C12orf43: variants seen among roughly 807,000 people sequenced by gnomAD.
C12orf43 encodes protein CUSTOS.
C12orf43 carries 15 observed loss-of-function variants against 20.6 expected under a neutral mutation model. That is an observed-to-expected ratio of 0.73 (90% CI 0.49 to 1.12). C12orf43 has a LOEUF of 1.12. C12orf43 is among the 50% of genes most tolerant of loss of function. The probability of loss-of-function intolerance (pLI) is 0.00; values close to 1 mark genes in which losing one functional copy is unlikely to be tolerated. For missense variants in C12orf43, 334 were observed against 344.4 expected (o/e 0.97, Z 0.24); for synonymous variants, 144 against 130.8 (o/e 1.10, Z -0.69).
At chr12:121,008,860 T>C (rs1173758206) in intron 3 of C12orf43, among the ~76,000 whole-genome samples, 3 of 152,186 alleles carry the variant, frequency 2.0e-5, no homozygotes, top group Non-Finnish European at 4.4e-5. Context: ...GACCAGTGTA[T>C]CCCCAGACCT....
At chr12:121,016,176 G>A in intron 1 of C12orf43, 154 bp downstream of exon 1, 1 of 1,142,882 alleles carries the variant, frequency 8.7e-7, no homozygotes, top group Non-Finnish European at 1.3e-6. Context: ...TACTGCACCT[G>A]CCCATGCTTT....
Position 121,004,500 on chromosome 12 carries a change from G to A in C12orf43, c.453-11C>T, listed in dbSNP as rs758709637. The A allele has an allele frequency of 5.7e-6, 9 of 1,582,222 alleles. No individual in the cohort carries two copies. The highest frequency in any genetic ancestry group is 2.7e-5 in the African/African-American group (2 of 74,172). On this transcript the variant is annotated splice_polypyrimidine_tract_variant and intron_variant, in intron 5 of 5. Transcript: ENST00000288757. The surrounding 1 kb of genome is among the most constrained non-coding windows in gnomAD (Gnocchi z 5.6). ...TCGTCACTGTCCTCACTGCTGCAAC[G>A]AGAGGGTACCCTGGGTTAGCTGGAG...
At chr12:121,006,238 ATATACC>A in intron 4 of C12orf43, 77 bp downstream of exon 4, 1 of 1,224,432 alleles carries the variant, frequency 8.2e-7, no homozygotes, top group South Asian at 1.3e-5. Context: ...AAAAAAAAGA[ATATACC>A]AAAACTGTTT....
At position 121,000,845 on chromosome 12, in the gene C12orf43, A is replaced by G. The variant is rs970189181; in HGVS notation, c.*3308T>C. 26 of 601,658 alleles carry G rather than the reference A, an allele frequency of 4.3e-5. No homozygotes were observed. In the Admixed American group the frequency reaches 5.3e-4, roughly 12 times the overall value. The allele number at this position is 601,658 out of a possible 1,614,324, so 37.3% of individuals were successfully genotyped here. A position where few individuals can be genotyped will look rare whatever the true frequency, so the allele number is the denominator to read the frequency against. ...TCACCGGGGCTTCTCCAGTGTTCACACTAAGATGTACTCAGGCCACTCCAT... is the reference window on the plus strand; with the variant it reads ...TCACCGGGGCTTCTCCAGTGTTCACGCTAAGATGTACTCAGGCCACTCCAT... On this transcript the variant is annotated 3_prime_UTR_variant, in exon 6 of 6. Coordinates refer to ENST00000288757, the MANE Select transcript of C12orf43 (RefSeq NM_022895.3).
chr12:121,001,406 G>A lies in C12orf43; in HGVS notation c.*2747C>T, dbSNP rs191295371. The A allele has an allele frequency of 3.9e-3, 2,340 of 598,662 alleles. 5 individuals are homozygous for A. The highest frequency in any genetic ancestry group is 5.1e-3 in the Non-Finnish European group (1,740 of 338,596). 37.1% of individuals were successfully genotyped at this position (598,662 alleles called of 1,614,324 possible). A position where few individuals can be genotyped will look rare whatever the true frequency, so the allele number is the denominator to read the frequency against. ...TGCTCGGGGTGCACAGGAGGGGGTC[G>A]TGGAGAGCTAGGAGCAAAGCCTGTT... On this transcript the variant is annotated 3_prime_UTR_variant, in exon 6 of 6. Transcript: ENST00000288757.
rs1415046993 is a variant in C12orf43 at position 121,004,416 on chromosome 12, C to T, written c.526G>A (p.Ala176Thr). The change falls in exon 6 of 6, where the codon GCC becomes ACC. Residue 176 changes from alanine (A) to threonine (T), a missense_variant. Transcript: ENST00000288757. This position sits in a 1 kb window ranked among gnomAD's most constrained non-coding sequence, Gnocchi z 5.6. ...VSASDILQES[A>T]IHSPGTVEKE... is the part of the protein sequence containing the mutation. ...TCCACTGTTCCAGGGCTGTGGATGG[C>T]TGACTCCTGTAGGATGTCGGACGCC... 3 of 1,613,950 alleles carry T rather than the reference C, an allele frequency of 1.9e-6. No homozygotes were observed. In the South Asian group the frequency reaches 3.3e-5, roughly 18 times the overall value.
rs1422122465 is a variant in C12orf43, at chr12:121,002,045, C to T, written c.*2108G>A. On this transcript the variant is annotated 3_prime_UTR_variant, in exon 6 of 6. Coordinates refer to ENST00000288757, the MANE Select transcript of C12orf43 (RefSeq NM_022895.3). ...CCAAGTCCAGGTCCTGGTGGGGCAGCTCCTCTGTCTCGAGCGCCCTGCAGA... is the reference window on the plus strand; with the variant it reads ...CCAAGTCCAGGTCCTGGTGGGGCAGTTCCTCTGTCTCGAGCGCCCTGCAGA... 1 of 536,920 alleles carries T rather than the reference C, an allele frequency of 1.9e-6. No individual in the cohort carries two copies. Among genetic ancestry groups the T allele is most frequent in the Admixed American group, 2.2e-5 (1 of 45,072 alleles). 33.3% of individuals were successfully genotyped at this position (536,920 alleles called of 1,614,324 possible).
At position 121,000,706 on chromosome 12, in the gene C12orf43, A is replaced by G. The variant is rs1017746629; in HGVS notation, c.*3447T>C. On this transcript the variant is annotated 3_prime_UTR_variant, in exon 6 of 6. Transcript: ENST00000288757. ...AGGGTAATCTCCTTCACTCAAAGCC[A>G]ACTGATTGTGGCATTAACCACATCT... The G allele has an allele frequency of 8.6e-6, 3 of 347,428 alleles. No homozygotes were observed. The highest frequency in any genetic ancestry group is 1.7e-5 in the Non-Finnish European group (3 of 178,458). 21.5% of individuals were successfully genotyped at this position (347,428 alleles called of 1,614,324 possible). A position where few individuals can be genotyped will look rare whatever the true frequency, so the allele number is the denominator to read the frequency against.
At chr12:121,008,680 G>A (rs1420199981) in intron 3 of C12orf43, among the ~76,000 whole-genome samples, 3 of 152,266 alleles carry the variant, frequency 2.0e-5, no homozygotes, top group African/African-American at 7.2e-5. Flanking sequence ...GATTCAGGCT[G>A]CGGGGCTCTG....
At chr12:121,016,272 A>C (rs1484596417) in intron 1 of C12orf43, 58 bp downstream of exon 1, 1 of 1,609,024 alleles carries the variant, frequency 6.2e-7, no homozygotes, top group African/African-American at 1.3e-5. Flanking sequence ...CCATCCTCTC[A>C]GGCTCCAGGG....
chr12:121,011,401 ATATC>A (rs1878453574), intron 1 of C12orf43, among the ~76,000 whole-genome samples: 1 of 148,194 alleles, frequency 6.7e-6, no homozygotes, highest in South Asian at 2.1e-4. Context: ...ATATATATAT[ATATC>A]TTAGTTATAT....
At chr12:121,009,094 C>T (rs1439669577) in intron 3 of C12orf43, among the ~76,000 whole-genome samples, 3 of 152,154 alleles carry the variant, frequency 2.0e-5, no homozygotes, top group African/African-American at 7.2e-5. Context: ...TCTAAAGCCA[C>T]GCTTTGGGCT....
chr12:121,011,724 G>T (rs1290243595), intron 1 of C12orf43, among the ~76,000 whole-genome samples: 1 of 152,144 alleles, frequency 6.6e-6, no homozygotes, highest in Non-Finnish European at 1.5e-5. Context: ...ACGCTGTGCT[G>T]AACAGGCAGG....
In C12orf43 at chr12:121,004,153, T is replaced by G; in HGVS notation, c.789A>C (p.Ter263CysextTer63). Residue 263 changes from the stop codon to cysteine, a stop_lost, in exon 6 of 6, where the codon TGA becomes TGC. Transcript: ENST00000288757. The surrounding 1 kb of genome is among the most constrained non-coding windows in gnomAD (Gnocchi z 5.6). Reference sequence around the variant, plus strand: ...CTGAGCCCTGTGCCCATGGCTGGGTTCAGTTTGCAGGTATAGCTGTAGCAC... The same window carrying G: ...CTGAGCCCTGTGCCCATGGCTGGGTGCAGTTTGCAGGTATAGCTGTAGCAC... Reference protein sequence around the residue: ...AKSATAIPAN* With the variant: ...AKSATAIPANC 6.2e-7 allele frequency: 1 copy of G among 1,614,166 alleles called. No individual in the cohort carries two copies. Among genetic ancestry groups the G allele is most frequent in the Non-Finnish European group, 8.5e-7 (1 of 1,179,990 alleles).
Position 121,001,221 on chromosome 12 carries a change from C to T in C12orf43, c.*2932G>A, listed in dbSNP as rs1320550568. On this transcript the variant is annotated 3_prime_UTR_variant, in exon 6 of 6. Coordinates refer to ENST00000288757, the MANE Select transcript of C12orf43 (RefSeq NM_022895.3). Reference sequence around the variant, plus strand: ...CGGCACCTGGGCCCTGGGGCCTGTACTGCCTGCTTGGGGGGTGATGAGGGC... The same window carrying T: ...CGGCACCTGGGCCCTGGGGCCTGTATTGCCTGCTTGGGGGGTGATGAGGGC... The T allele has an allele frequency of 2.5e-6, 4 of 1,612,722 alleles. No individual in the cohort carries two copies. Among genetic ancestry groups the T allele is most frequent in the African/African-American group, 2.7e-5 (2 of 74,918 alleles).
At position 121,002,603 on chromosome 12, in the gene C12orf43, T is replaced by C. The variant is rs1379285512; in HGVS notation, c.*1550A>G. 2.5e-6 allele frequency: 1 copy of C among 396,076 alleles called. No individual in the cohort carries two copies. Among genetic ancestry groups the C allele is most frequent in the African/African-American group, 2.1e-5 (1 of 47,212 alleles). 24.5% of individuals were successfully genotyped at this position (396,076 alleles called of 1,614,324 possible). A position where few individuals can be genotyped will look rare whatever the true frequency, so the allele number is the denominator to read the frequency against. ...AGAGGCCTGCGAAGAGGAGACAGGC[T>C]CCAGCACCCACGCTCTCACACCCCA... On this transcript the variant is annotated 3_prime_UTR_variant, in exon 6 of 6. Coordinates refer to ENST00000288757, the MANE Select transcript of C12orf43 (RefSeq NM_022895.3).
Position 121,002,549 on chromosome 12 carries a change from G to A in C12orf43, c.*1604C>T. The stretch of plus-strand genomic sequence containing the variant: ...TCCACAAATCATTCAGATGGGGTTT[G>A]GGCAGGTAGCGGGAGGCTGGGGCAG... On this transcript the variant is annotated 3_prime_UTR_variant, in exon 6 of 6. Transcript: ENST00000288757. 1 of 490,290 alleles carries A rather than the reference G, an allele frequency of 2.0e-6. No individual in the cohort carries two copies. The highest frequency in any genetic ancestry group is 4.0e-6 in the Non-Finnish European group (1 of 247,684). 30.4% of individuals were successfully genotyped at this position (490,290 alleles called of 1,614,324 possible).
rs771063322 is a variant in C12orf43 at position 121,004,209 on chromosome 12, T to C, written c.733A>G (p.Ser245Gly). 4 of 1,614,110 alleles carry C rather than the reference T, an allele frequency of 2.5e-6. No individual in the cohort carries two copies. In the South Asian group the frequency reaches 4.4e-5, roughly 18 times the overall value. The change falls in exon 6 of 6, where the codon AGC becomes GGC. Residue 245 changes from serine to glycine, a missense_variant. By Grantham distance (56) the Ser-to-Gly change is moderately conservative (BLOSUM62 0). Transcript: ENST00000288757. This position sits in a 1 kb window ranked among gnomAD's most constrained non-coding sequence, Gnocchi z 5.6. ...TKKKKKAKKA[S>G]ETSPFPPAKS... ...GCTGGTGGGAATGGAGAGGTCTCGC[T>C]GGCCTTCTTTGCCTTTTTCTTCTTT...
chr12:121,006,084 T>G, intron 4 of C12orf43: 1 of 466,290 alleles, frequency 2.1e-6, no homozygotes, highest in Non-Finnish European at 3.9e-6. Context: ...GGGGTGGTGG[T>G]GTGTGTCTGT....
Sources: gnomAD v4.1 joint callset for allele counts (sites outside exome capture counted in the v4.1 genomes callset) on GRCh38, gnomAD v4.1.1 for gene constraint, Gnocchi (gnomAD v3.1) non-coding constraint, MANE v1.5 for transcripts, NCBI Gene and HGNC (gene_info 2026-07-23, HGNC 2026-07-21) for gene names.